Variants in PDCL2 observed in about 807,000 individuals in gnomAD.
The protein encoded by PDCL2 is phosducin like 2, also known as phosducin-like protein 2.
Under a neutral mutation model 30.3 loss-of-function variants are expected in PDCL2, and 23 were observed. The observed-to-expected ratio is 0.76, with a 90% CI of 0.55 to 1.08. The LOEUF (loss-of-function observed/expected upper bound fraction) is 1.08. Ranked by LOEUF, PDCL2 falls within the 50% of genes least tolerant of loss-of-function variation. The probability of loss-of-function intolerance (pLI) is 0.00; values close to 1 mark genes in which losing one functional copy is unlikely to be tolerated. For synonymous variants in PDCL2, 68 were observed against 86.2 expected (o/e 0.79, Z 1.17); for missense variants, 243 against 282.3 (o/e 0.86, Z 1.00).
chr4:55,575,400 A>G (rs1393231147), intron 3 of PDCL2, among the ~76,000 whole-genome samples: 1 of 152,200 alleles, frequency 6.6e-6, no homozygotes, highest in Non-Finnish European at 1.5e-5. Flanking sequence ...AAAAATAAAC[A>G]GGGCCTAAAG....
intron 3 of PDCL2, 49 bp downstream of exon 3, chr4:55,580,769 CTTA>C: frequency 7.7e-7 from 1 of 1,298,008 alleles, no homozygotes; most frequent in Non-Finnish European, 1.1e-6. Context: ...TAGTTTTATT[CTTA>C]TTATACTTCA....
chr4:55,561,332 C>T (rs926255076), intron 5 of PDCL2, among the ~76,000 whole-genome samples: 4 of 152,012 alleles, frequency 2.6e-5, no homozygotes, highest in East Asian at 1.9e-4. Context: ...GAGGCTGAGG[C>T]GGGCGGATCT....
chr4:55,565,973 G>GTTTTTTTTTTTT lies in PDCL2; in HGVS notation c.363-3373_363-3362dup, dbSNP rs71194595. 9.4e-5 allele frequency among the ~76,000 whole-genome samples: 7 copies of GTTTTTTTTTTTT among 74,494 alleles called. 1 individual carries two copies. The highest frequency in any genetic ancestry group is 2.2e-4 in the Admixed American group (1 of 4,570). 48.9% of individuals were successfully genotyped at this position (74,494 alleles called of 152,430 possible). A position where few individuals can be genotyped will look rare whatever the true frequency, so the allele number is the denominator to read the frequency against. ...AAGCTGTAAGTAAATCCATTTTTCT[G>GTTTTTTTTTTTT]TTTTTTTTTTTTTTTTTTTTTTTTT... On this transcript the variant is annotated intron_variant, in intron 4 of 5. Transcript: ENST00000295645.
intron 3 of PDCL2, among the ~76,000 whole-genome samples, chr4:55,572,222 A>G (rs967473321): frequency 6.6e-6 from 1 of 152,184 alleles, no homozygotes; most frequent in African/African-American, 2.4e-5. Flanking sequence ...ATTCAGTTGC[A>G]TAAACAGAAG....
At chr4:55,578,548 G>A (rs1294114204) in intron 3 of PDCL2, among the ~76,000 whole-genome samples, 1 of 151,668 alleles carries the variant, frequency 6.6e-6, no homozygotes, top group Non-Finnish European at 1.5e-5. Context: ...TGTATTTTTG[G>A]AGTTCCCTAT....
Position 55,587,716 on chromosome 4 carries a change from C to T in PDCL2, c.6+4388G>A, listed in dbSNP as rs550187459. Among the ~76,000 whole-genome samples the T allele has an allele frequency of 3.9e-5, 6 of 151,972 alleles. No homozygotes were observed. In the South Asian group the frequency reaches 1.2e-3, roughly 32 times the overall value. On this transcript the variant is annotated intron_variant, in intron 1 of 5. Transcript: ENST00000295645. The stretch of plus-strand genomic sequence containing the variant: ...GATTACAGATGCCCACCACCACACC[C>T]AGCTAATTTTTGTATTTTTAGTAGA...
intron 1 of PDCL2, among the ~76,000 whole-genome samples, chr4:55,589,827 C>T (rs1732951792): frequency 6.6e-6 from 1 of 152,026 alleles, no homozygotes. Flanking sequence ...TACCATGTTT[C>T]GCTGAAACAA....
chr4:55,565,569 AT>A (rs1310491898), intron 4 of PDCL2, among the ~76,000 whole-genome samples: 1 of 152,192 alleles, frequency 6.6e-6, no homozygotes, highest in Non-Finnish European at 1.5e-5. Flanking sequence ...TGCCCCCATG[AT>A]TAAATTACCT....
intron 4 of PDCL2, among the ~76,000 whole-genome samples, chr4:55,568,394 C>T (rs747628129): frequency 4.1e-4 from 62 of 152,104 alleles, no homozygotes; most frequent in Non-Finnish European, 7.5e-4. Context: ...TGGGGGAGTG[C>T]AGGGGTGCAG....
chr4:55,586,078 CTTTT>C (rs1560505721), intron 1 of PDCL2, among the ~76,000 whole-genome samples: 1 of 151,652 alleles, frequency 6.6e-6, no homozygotes, highest in Non-Finnish European at 1.5e-5. Flanking sequence ...TTAGTTTGTT[CTTTT>C]TTGTTTTAGG....
chr4:55,571,347 A>G lies in PDCL2; in HGVS notation c.219-1486T>C, dbSNP rs1249375514. Among the ~76,000 whole-genome samples, 5 of 151,682 alleles carry G rather than the reference A, an allele frequency of 3.3e-5. No homozygotes were observed. The East Asian group carries it at 9.7e-4, about 30-fold the overall frequency. On this transcript the variant is annotated intron_variant, in intron 3 of 5. Coordinates refer to ENST00000295645, the MANE Select transcript of PDCL2 (RefSeq NM_152401.3). ...GTAACCAACTATCCTTTCAATAGCA[A>G]CCATATCCTGACACACTTGAATAAA...
chr4:55,589,237 G>T (rs1035123138), intron 1 of PDCL2, among the ~76,000 whole-genome samples: 4 of 152,238 alleles, frequency 2.6e-5, no homozygotes, highest in East Asian at 1.9e-4. Context: ...TTGGTTCATG[G>T]TCTCATGGTG....
At chr4:55,577,507 G>A (rs371618768) in intron 3 of PDCL2, among the ~76,000 whole-genome samples, 34 of 152,276 alleles carry the variant, frequency 2.2e-4, no homozygotes, top group African/African-American at 7.7e-4. Flanking sequence ...TAATCACATG[G>A]TTGGTTCCTC....
rs1005660987 is a variant in PDCL2 at position 55,575,423 on chromosome 4, G to A, written c.218+5398C>T. Reference sequence around the variant, plus strand: ...ACAGGGCCTAAAGGGTCTGTGGGATGATATAAAGCAGACCAACACACATGT... The same window carrying A: ...ACAGGGCCTAAAGGGTCTGTGGGATAATATAAAGCAGACCAACACACATGT... On this transcript the variant is annotated intron_variant, in intron 3 of 5. Transcript: ENST00000295645. Among the ~76,000 whole-genome samples the A allele has an allele frequency of 5.8e-4, 88 of 152,160 alleles. 1 individual carries two copies. Among genetic ancestry groups the A allele is most frequent in the Middle Eastern group, 3.4e-3 (1 of 294 alleles).
intron 3 of PDCL2, among the ~76,000 whole-genome samples, chr4:55,575,403 G>C (rs1408248234): frequency 1.3e-5 from 2 of 151,966 alleles, no homozygotes; most frequent in African/African-American, 2.4e-5. Flanking sequence ...AATAAACAGG[G>C]CCTAAAGGGT....
chr4:55,586,258 G>A (rs541668513), intron 1 of PDCL2, among the ~76,000 whole-genome samples: 1 of 152,090 alleles, frequency 6.6e-6, no homozygotes, highest in Non-Finnish European at 1.5e-5. Context: ...CCACATGTTT[G>A]TTAATTTTCT....
intron 3 of PDCL2, among the ~76,000 whole-genome samples, chr4:55,573,298 T>A (rs117841700): frequency 1.3e-5 from 2 of 152,330 alleles, no homozygotes; most frequent in East Asian, 3.9e-4. Context: ...ATTTTTTTCA[T>A]CTTTTTAGCT....
intron 3 of PDCL2, among the ~76,000 whole-genome samples, chr4:55,576,685 A>G (rs1732577721): frequency 2.0e-5 from 3 of 152,334 alleles, no homozygotes; most frequent in South Asian, 4.1e-4. Flanking sequence ...TACACTAGAA[A>G]AATCAGCTAA....
chr4:55,585,300 G>A (rs1051358776), intron 1 of PDCL2, among the ~76,000 whole-genome samples: 5 of 152,116 alleles, frequency 3.3e-5, no homozygotes, highest in African/African-American at 1.2e-4. Flanking sequence ...GGCCGAGGTG[G>A]GTAGATCACC....
Sources: gnomAD v4.1 joint callset for allele counts (sites outside exome capture counted in the v4.1 genomes callset) on GRCh38, gnomAD v4.1.1 for gene constraint, MANE v1.5 for transcripts, NCBI Gene and HGNC (gene_info 2026-07-23, HGNC 2026-07-21) for gene names.